CCDC88A: variants seen among roughly 807,000 people sequenced by gnomAD.
CCDC88A encodes the protein coiled-coil and HOOK domain protein 88A.
A neutral mutation model predicts 234.3 loss-of-function variants in CCDC88A; 54 were observed. That is an observed-to-expected ratio of 0.23 (90% CI 0.19 to 0.29). The LOEUF is 0.29. CCDC88A is among the 10% of genes least tolerant of loss of function. CCDC88A has a pLI of 1.00. For missense variants in CCDC88A, 1,832 were observed against 2,123.4 expected, an observed-to-expected ratio of 0.86 and a Z score of 2.70; for synonymous variants, 753 against 737.8, an observed-to-expected ratio of 1.02 and a Z score of -0.33.
intron 7 of CCDC88A, among the ~76,000 whole-genome samples, chr2:55,360,213 C>T (rs532399819): frequency 6.6e-5 from 10 of 151,908 alleles, no homozygotes; most frequent in South Asian, 2.1e-4. Context: ...ATTAAGAATA[C>T]GAAAGAGAAA....
intron 21 of CCDC88A, 114 bp from the exon 22 acceptor site, chr2:55,316,228 T>C (rs1682964665): frequency 2.3e-6 from 1 of 436,784 alleles, no homozygotes; most frequent in Non-Finnish European, 3.9e-6. Context: ...TAAAAGACTG[T>C]TTTACAAGTT....
intron 30 of CCDC88A, 46 bp downstream of exon 30, chr2:55,296,212 A>C: frequency 6.5e-7 from 1 of 1,536,618 alleles, no homozygotes; most frequent in Non-Finnish European, 8.8e-7. Flanking sequence ...CAGAAATTTA[A>C]CTTGTGGTGT....
intron 2 of CCDC88A, among the ~76,000 whole-genome samples, chr2:55,409,929 C>T (rs1456761793): frequency 1.3e-5 from 2 of 151,742 alleles, no homozygotes; most frequent in Admixed American, 6.6e-5. Context: ...TTATTAGAGA[C>T]GGGGTTTCAC....
chr2:55,372,528 A>C lies in CCDC88A; in HGVS notation c.344-18T>G. 8.5e-7 allele frequency: 1 copy of C among 1,180,540 alleles called. No homozygotes were observed. The highest frequency in any genetic ancestry group is 2.3e-5 in the East Asian group (1 of 42,696). The allele number at this position is 1,180,540 out of a possible 1,614,324, so 73.1% of individuals were successfully genotyped here. On this transcript the variant is annotated intron_variant, in intron 4 of 32. Transcript: ENST00000436346. ...GCCTTGTTCTAAAATAGAAACAATT[A>C]TTAAGGACAACATTCTGCTATATTT...
chr2:55,352,085 C>G (rs961529869), intron 8 of CCDC88A, among the ~76,000 whole-genome samples: 1 of 152,056 alleles, frequency 6.6e-6, no homozygotes, highest in Non-Finnish European at 1.5e-5. Flanking sequence ...GGGGGACAGA[C>G]AGTGACTGTT....
intron 7 of CCDC88A, chr2:55,356,069 T>C (rs1484748312): frequency 4.2e-5 from 7 of 168,220 alleles, no homozygotes; most frequent in Non-Finnish European, 6.4e-5. Context: ...ATGTGTGCCA[T>C]GGTAGTCTGC....
chr2:55,373,209 C>T (rs1208937912), intron 4 of CCDC88A, among the ~76,000 whole-genome samples: 2 of 152,192 alleles, frequency 1.3e-5, no homozygotes, highest in African/African-American at 4.8e-5. Flanking sequence ...AAGTCCAAAT[C>T]TTCTTATCAG....
chr2:55,387,551 G>A (rs765464960), intron 3 of CCDC88A, among the ~76,000 whole-genome samples: 18 of 151,968 alleles, frequency 1.2e-4, no homozygotes, highest in Non-Finnish European at 2.6e-4. Context: ...GGAGGCTGAG[G>A]GGGGCAGATC....
intron 13 of CCDC88A, chr2:55,337,541 T>C (rs1218891071): frequency 6.6e-6 from 1 of 152,196 alleles, no homozygotes; most frequent in Non-Finnish European, 1.5e-5. Flanking sequence ...CTTATGTCAA[T>C]AATGAAGCAC....
intron 28 of CCDC88A, 174 bp downstream of exon 28, chr2:55,301,032 T>C (rs1233772020): frequency 5.5e-6 from 3 of 549,766 alleles, no homozygotes; most frequent in African/African-American, 4.0e-5. Flanking sequence ...GCAATTATCT[T>C]AAAAGAGGCA....
At chr2:55,294,404 G>A (rs1679782019) in intron 31 of CCDC88A, 1 of 907,308 alleles carries the variant, frequency 1.1e-6, no homozygotes, top group East Asian at 1.2e-4. Flanking sequence ...ATAACACTAA[G>A]TTTATAAGTA....
chr2:55,375,348 G>T (rs1190675438), intron 3 of CCDC88A, among the ~76,000 whole-genome samples: 1 of 151,744 alleles, frequency 6.6e-6, no homozygotes, highest in Non-Finnish European at 1.5e-5. Context: ...CTCAGTAAAA[G>T]ATCGAGCAAA....
chr2:55,397,080 T>C (rs1358025664), intron 2 of CCDC88A, among the ~76,000 whole-genome samples: 8 of 151,908 alleles, frequency 5.3e-5, no homozygotes, highest in African/African-American at 7.3e-5. Context: ...AATCAAACAA[T>C]AGGTACCTAA....
chr2:55,294,813 C>G, intron 31 of CCDC88A: 1 of 1,020,520 alleles, frequency 9.8e-7, no homozygotes, highest in African/African-American at 1.7e-5. Flanking sequence ...GAAGGAGGAG[C>G]ATGTATGGTT....
intron 5 of CCDC88A, chr2:55,364,252 T>C (rs1035657746): frequency 2.7e-6 from 1 of 364,878 alleles, no homozygotes; most frequent in African/African-American, 2.1e-5. Flanking sequence ...ATTTTTATGC[T>C]GGAAAGTTCT....
At chr2:55,322,751 T>C (rs1240638353) in intron 17 of CCDC88A, 59 bp from the exon 18 acceptor site, 2 of 934,464 alleles carry the variant, frequency 2.1e-6, no homozygotes, top group African/African-American at 3.4e-5. Context: ...GTTACATTTC[T>C]CTCAATTAAT....
In CCDC88A at chr2:55,384,551, G is replaced by GACACA. The variant is rs1675178066; in HGVS notation, c.273+4226_273+4227insTGTGT. ...TATATACATATATACGTATATATGT[G>GACACA]TATATATACACATATATACGTATAT... On this transcript the variant is annotated intron_variant, in intron 3 of 32. Transcript: ENST00000436346. Among the ~76,000 whole-genome samples, 2 of 75,664 alleles carry GACACA rather than the reference G, an allele frequency of 2.6e-5. 1 individual carries two copies. Among genetic ancestry groups the GACACA allele is most frequent in the African/African-American group, 1.5e-4 (2 of 13,472 alleles). 49.6% of individuals were successfully genotyped at this position (75,664 alleles called of 152,430 possible). A position where few individuals can be genotyped will look rare whatever the true frequency, so the allele number is the denominator to read the frequency against.
chr2:55,296,091 T>G, intron 30 of CCDC88A, 35 bp from the exon 31 acceptor site: 1 of 1,474,658 alleles, frequency 6.8e-7, no homozygotes, highest in Non-Finnish European at 9.2e-7. Context: ...GATTAGTGAA[T>G]ATAGTGCCAT....
At chr2:55,409,760 TCAGA>T (rs1680169790) in intron 2 of CCDC88A, among the ~76,000 whole-genome samples, 1 of 146,262 alleles carries the variant, frequency 6.8e-6, no homozygotes, top group Non-Finnish European at 1.5e-5. Flanking sequence ...TTTTTTTTTT[TCAGA>T]CAGAGTCTCA....
Sources: allele counts gnomAD v4.1 joint callset (sites outside exome capture counted in the v4.1 genomes callset), GRCh38; gene constraint gnomAD v4.1.1; transcripts MANE v1.5; gene names NCBI Gene and HGNC (gene_info 2026-07-23, HGNC 2026-07-21).